IL6R: variants seen among roughly 807,000 people sequenced by gnomAD.
IL6R encodes the protein interleukin 6 receptor, also known as interleukin-6 receptor subunit alpha.
In IL6R, 38 loss-of-function variants were observed where a neutral mutation model predicts 48.3. That is an observed-to-expected ratio of 0.79 (90% CI 0.61 to 1.03). The LOEUF (loss-of-function observed/expected upper bound fraction) is 1.03. Ranked by LOEUF, IL6R falls within the 50% of genes least tolerant of loss-of-function variation. The pLI is 0.00. For synonymous variants in IL6R, 264 were observed against 256.2 expected (o/e 1.03, Z -0.29); for missense variants, 534 against 618.3 (o/e 0.86, Z 1.45).
chr1:154,437,042 G>T (rs1250288440), intron 6 of IL6R, among the ~76,000 whole-genome samples: 1 of 152,056 alleles, frequency 6.6e-6, no homozygotes, highest in Admixed American at 6.6e-5. Context: ...TTTAGTAACT[G>T]CCTGATTAAT....
chr1:154,415,143 T>C (rs1688261028), intron 1 of IL6R: 1 of 903,310 alleles, frequency 1.1e-6, no homozygotes, highest in Non-Finnish European at 1.8e-6. Context: ...CTTGCCGTCC[T>C]CAGCCTGCAG....
At chr1:154,436,188 T>A in intron 6 of IL6R, 78 bp downstream of exon 6, 1 of 1,486,508 alleles carries the variant, frequency 6.7e-7, no homozygotes, top group Admixed American at 2.0e-5. Context: ...TGTGACAAGT[T>A]GCCTCAAAAC....
chr1:154,436,082 C>A lies in IL6R; in HGVS notation c.921C>A (p.Ser307Arg), dbSNP rs1302653401. 1 of 1,612,390 alleles carries A rather than the reference C, an allele frequency of 6.2e-7. No homozygotes were observed. The highest frequency in any genetic ancestry group is 1.1e-5 in the South Asian group (1 of 90,794). The change falls in exon 6 of 10, where the codon AGC becomes AGA. Residue 307 changes from serine to arginine, a missense_variant. Ser to Arg is a moderately radical substitution (Grantham distance 110). Transcript: ENST00000368485. ...EFGQGEWSEW[S>R]PEAMGTPWTE... ...GGCAAGGCGAGTGGAGCGAGTGGAG[C>A]CCGGAGGCCATGGGCACGCCTTGGA... is the stretch of plus-strand genomic sequence containing the variant.
intron 6 of IL6R, among the ~76,000 whole-genome samples, chr1:154,446,246 G>A (rs981208234): frequency 1.3e-4 from 20 of 152,260 alleles, no homozygotes; most frequent in Non-Finnish European, 2.6e-4. Flanking sequence ...CTTGCTGTGC[G>A]GCCTTGAACA....
chr1:154,433,488 T>G (rs569957327), intron 3 of IL6R, among the ~76,000 whole-genome samples: 1 of 152,274 alleles, frequency 6.6e-6, no homozygotes, highest in South Asian at 2.1e-4. Context: ...TGAGGACAGA[T>G]CTTTTTTGTT....
intron 7 of IL6R, among the ~76,000 whole-genome samples, chr1:154,448,375 G>T (rs993587693): frequency 6.6e-6 from 1 of 152,238 alleles, no homozygotes; most frequent in African/African-American, 2.4e-5. Context: ...GTGGAGCAGC[G>T]CTGGCCTGGC....
At chr1:154,446,657 G>A (rs11265614) in intron 6 of IL6R, among the ~76,000 whole-genome samples, 1 of 152,120 alleles carries the variant, frequency 6.6e-6, no homozygotes, top group Non-Finnish European at 1.5e-5. Context: ...TCCCGTGCAG[G>A]GGGAGGGAGC....
chr1:154,423,291 AT>A (rs1688793097), intron 1 of IL6R, among the ~76,000 whole-genome samples: 1 of 143,490 alleles, frequency 7.0e-6, no homozygotes, highest in Non-Finnish European at 1.5e-5. Context: ...ATATGTATTC[AT>A]TATAAGAGCA....
At position 154,465,001 on chromosome 1, in the gene IL6R, T is replaced by C. The variant is rs980300924; in HGVS notation, c.1161-133T>C. 1.4e-5 allele frequency: 13 copies of C among 918,030 alleles called. No homozygotes were observed. In the African/African-American group the frequency reaches 1.7e-4, roughly 12 times the overall value. 56.9% of individuals were successfully genotyped at this position (918,030 alleles called of 1,614,324 possible). A position where few individuals can be genotyped will look rare whatever the true frequency, so the allele number is the denominator to read the frequency against. ...CAAAAAACAAAAAGACAGCTGATAG[T>C]TATTGCTCCTTTGAGCCGAAACCTG... On this transcript the variant is annotated intron_variant, in intron 9 of 9. Coordinates refer to ENST00000368485, the MANE Select transcript of IL6R (RefSeq NM_000565.4).
intron 8 of IL6R, among the ~76,000 whole-genome samples, chr1:154,452,503 C>T (rs1381582948): frequency 6.6e-6 from 1 of 152,196 alleles, no homozygotes; most frequent in African/African-American, 2.4e-5. Context: ...CAGATGCACC[C>T]TTCTCCGGGA....
chr1:154,428,320 A>T (rs916357628), intron 1 of IL6R, among the ~76,000 whole-genome samples: 2 of 152,020 alleles, frequency 1.3e-5, no homozygotes, highest in African/African-American at 4.8e-5. Context: ...TTGCTGTAGT[A>T]GATGTAGGGT....
intron 7 of IL6R, among the ~76,000 whole-genome samples, chr1:154,448,757 G>C (rs945327731): frequency 6.6e-6 from 1 of 152,024 alleles, no homozygotes; most frequent in Non-Finnish European, 1.5e-5. Context: ...CTCCCAACAC[G>C]GGTTCTGGGG....
intron 3 of IL6R, among the ~76,000 whole-genome samples, chr1:154,432,294 G>A (rs957642602): frequency 6.6e-6 from 1 of 152,106 alleles, no homozygotes; most frequent in Non-Finnish European, 1.5e-5. Context: ...AGAGACTGTG[G>A]CTGGCAGCTT....
At position 154,465,762 on chromosome 1, in the gene IL6R, A is replaced by G; in HGVS notation, c.*382A>G. The G allele has an allele frequency of 5.0e-6, 1 of 199,210 alleles. No individual in the cohort carries two copies. The highest frequency in any genetic ancestry group is 1.0e-5 in the Non-Finnish European group (1 of 96,424). The allele number at this position is 199,210 out of a possible 1,614,324, so 12.3% of individuals were successfully genotyped here. A position where few individuals can be genotyped will look rare whatever the true frequency, so the allele number is the denominator to read the frequency against. On this transcript the variant is annotated 3_prime_UTR_variant, in exon 10 of 10. Transcript: ENST00000368485. ...ACACCTCTGCACAAGCTGCACCCTCAGGCAGGTGGGATGGATTTCCAGCCA... is the reference window on the plus strand; with the variant it reads ...ACACCTCTGCACAAGCTGCACCCTCGGGCAGGTGGGATGGATTTCCAGCCA...
intron 3 of IL6R, among the ~76,000 whole-genome samples, chr1:154,431,418 C>T (rs1034015894): frequency 2.0e-5 from 3 of 152,120 alleles, no homozygotes; most frequent in Admixed American, 6.6e-5. Flanking sequence ...TGCCTGAAAT[C>T]GCAAATGGTG....
rs1689535257 is a variant in IL6R, at chr1:154,435,090, T to G, written c.741T>G (p.Ser247=). The part of the protein sequence containing the change: ...TWQDPHSWNS[S]FYRLRFELRY... Reference sequence around the variant, plus strand: ...AAGACCCCCACTCCTGGAACTCATCTTTCTACAGACTACGGTTTGAGCTCA... The same window carrying G: ...AAGACCCCCACTCCTGGAACTCATCGTTCTACAGACTACGGTTTGAGCTCA... Residue 247 remains serine, a synonymous_variant, in exon 5 of 10, where the codon TCT becomes TCG. Coordinates refer to ENST00000368485, the MANE Select transcript of IL6R (RefSeq NM_000565.4). 1.9e-6 allele frequency: 3 copies of G among 1,614,082 alleles called. No individual in the cohort carries two copies. The highest frequency in any genetic ancestry group is 2.5e-6 in the Non-Finnish European group (3 of 1,180,006).
intron 1 of IL6R, 55 bp from the exon 2 acceptor site, chr1:154,429,141 G>A (rs1321107122): frequency 8.3e-6 from 13 of 1,572,722 alleles, no homozygotes; most frequent in Middle Eastern, 1.7e-4. Context: ...AGACCAGAAC[G>A]AAGCCCCCTT....
At chr1:154,422,096 G>GCACCCA (rs1688701985) in intron 1 of IL6R, among the ~76,000 whole-genome samples, 4 of 152,054 alleles carry the variant, frequency 2.6e-5, no homozygotes, top group African/African-American at 9.7e-5. Flanking sequence ...ACAGGTGTGT[G>GCACCCA]CCACCACGCC....
intron 6 of IL6R, among the ~76,000 whole-genome samples, chr1:154,439,977 A>G (rs557919455): frequency 1.0e-3 from 153 of 151,962 alleles, no homozygotes; most frequent in African/African-American, 3.3e-3. Context: ...ACCTTGGCTC[A>G]CTGCAACCTC....
Sources: allele counts gnomAD v4.1 joint callset (sites outside exome capture counted in the v4.1 genomes callset), GRCh38; gene constraint gnomAD v4.1.1; transcripts MANE v1.5; gene names NCBI Gene and HGNC (gene_info 2026-07-23, HGNC 2026-07-21).